OSBPL9: variants seen among roughly 807,000 people sequenced by gnomAD.
OSBPL9 encodes oxysterol binding protein like 9.
OSBPL9 carries 40 observed loss-of-function variants against 106.6 expected under a neutral mutation model. The ratio of observed to expected loss-of-function variants is 0.38; its 90% CI spans 0.29 to 0.49. OSBPL9 has a LOEUF of 0.49. OSBPL9 is among the 20% of genes least tolerant of loss of function. OSBPL9 has a pLI of 0.97. For missense variants in OSBPL9, 609 were observed against 887.2 expected, an observed-to-expected ratio of 0.69 and a Z score of 3.98; for synonymous variants, 269 against 295.4, an observed-to-expected ratio of 0.91 and a Z score of 0.92.
intron 1 of OSBPL9, among the ~76,000 whole-genome samples, chr1:51,619,236 T>C (rs1644273845): frequency 6.6e-6 from 1 of 152,200 alleles, no homozygotes; most frequent in Admixed American, 6.5e-5. Context: ...GCAGTTAAGT[T>C]ACTTTACAAA....
chr1:51,756,454 T>A, intron 9 of OSBPL9, 96 bp downstream of exon 9: 1 of 1,156,168 alleles, frequency 8.6e-7, no homozygotes, highest in Non-Finnish European at 1.3e-6. Flanking sequence ...CATTTTTCAA[T>A]GCCAACTACT....
chr1:51,744,235 G>A (rs1170722947), intron 4 of OSBPL9, among the ~76,000 whole-genome samples: 1 of 152,130 alleles, frequency 6.6e-6, no homozygotes, highest in Non-Finnish European at 1.5e-5. Context: ...TATAATAGTA[G>A]TAATTGATAG....
At chr1:51,725,449 G>T (rs1044044523) in intron 4 of OSBPL9, among the ~76,000 whole-genome samples, 3 of 152,096 alleles carry the variant, frequency 2.0e-5, no homozygotes, top group Non-Finnish European at 4.4e-5. Flanking sequence ...TGCTTACTGT[G>T]TCTCTTCCAG....
intron 1 of OSBPL9, among the ~76,000 whole-genome samples, chr1:51,579,142 T>G (rs967843742): frequency 6.6e-6 from 1 of 151,842 alleles, no homozygotes; most frequent in Admixed American, 6.6e-5. Flanking sequence ...TGCAGCCTCT[T>G]CAGCAGAATC....
chr1:51,595,424 C>T (rs1378025022), intron 1 of OSBPL9, among the ~76,000 whole-genome samples: 2 of 152,106 alleles, frequency 1.3e-5, no homozygotes, highest in East Asian at 1.9e-4. Context: ...GAAGAAACCA[C>T]GATGATATCT....
intron 3 of OSBPL9, among the ~76,000 whole-genome samples, chr1:51,674,268 G>A (rs1397890231): frequency 6.6e-6 from 1 of 151,668 alleles, no homozygotes; most frequent in Non-Finnish European, 1.5e-5. Context: ...TATTGTAATA[G>A]TTATTTTTTG....
At chr1:51,776,958 G>T (rs755191114) in intron 15 of OSBPL9, 40 bp downstream of exon 15, 6 of 1,454,358 alleles carry the variant, frequency 4.1e-6, no homozygotes, top group Non-Finnish European at 5.8e-6. Flanking sequence ...GTTTACAGAT[G>T]TTACTCAGCA....
At chr1:51,576,200 C>T (rs1193763299), upstream of OSBPL9, among the ~76,000 whole-genome samples, 1 of 152,232 alleles carries the variant, frequency 6.6e-6, no homozygotes, top group Non-Finnish European at 1.5e-5. Flanking sequence ...ACCTCCTCAA[C>T]ACTTTCTGTG....
chr1:51,704,876 T>G (rs1051838530), intron 3 of OSBPL9, among the ~76,000 whole-genome samples: 2 of 152,138 alleles, frequency 1.3e-5, no homozygotes, highest in African/African-American at 4.8e-5. Context: ...ATGTGAAATA[T>G]TATGGTTCTG....
chr1:51,691,713 C>T (rs1399506382), intron 3 of OSBPL9, among the ~76,000 whole-genome samples: 1 of 151,688 alleles, frequency 6.6e-6, no homozygotes, highest in African/African-American at 2.4e-5. Flanking sequence ...TTCTTTATAT[C>T]CTTATTCTCT....
At chr1:51,579,433 T>C (rs892109337) in intron 1 of OSBPL9, among the ~76,000 whole-genome samples, 10 of 152,218 alleles carry the variant, frequency 6.6e-5, no homozygotes, top group Non-Finnish European at 1.2e-4. Flanking sequence ...ACAGATTAGA[T>C]CCATTAGAAA....
chr1:51,703,034 G>T (rs919646819), intron 3 of OSBPL9, among the ~76,000 whole-genome samples: 20 of 152,234 alleles, frequency 1.3e-4, no homozygotes, highest in Admixed American at 2.6e-4. Context: ...ATGCTGTTTT[G>T]GTTACTGTAG....
At chr1:51,775,519 A>G (rs967388124) in intron 14 of OSBPL9, among the ~76,000 whole-genome samples, 5 of 152,074 alleles carry the variant, frequency 3.3e-5, no homozygotes, top group African/African-American at 9.7e-5. Context: ...GCATTCTTGT[A>G]TGATGTTTGT....
At chr1:51,528,159 T>A in the OSBPL9 span, among the ~76,000 whole-genome samples, 4 of 151,828 alleles carry the variant, frequency 2.6e-5, no homozygotes, top group Non-Finnish European at 5.9e-5. Context: ...CTATTCAGCA[T>A]TATACTGGAG....
At chr1:51,612,085 C>T (rs910902106) in intron 2 of OSBPL9, among the ~76,000 whole-genome samples, 1 of 152,216 alleles carries the variant, frequency 6.6e-6, no homozygotes, top group Non-Finnish European at 1.5e-5. Context: ...CTTACTCCCT[C>T]CTCATTTAAT....
At chr1:51,753,998 G>A (rs555402252) in intron 8 of OSBPL9, among the ~76,000 whole-genome samples, 5 of 152,348 alleles carry the variant, frequency 3.3e-5, no homozygotes, top group Admixed American at 3.3e-4. Flanking sequence ...AGTGGGCTTT[G>A]TTATCTCAGA....
chr1:51,748,424 G>A, intron 7 of OSBPL9, 26 bp downstream of exon 7: 2 of 1,454,710 alleles, frequency 1.4e-6, no homozygotes, highest in Non-Finnish European at 1.8e-6. Flanking sequence ...GATACATTCT[G>A]ACTTTGCATT....
intron 1 of OSBPL9, among the ~76,000 whole-genome samples, chr1:51,580,871 T>C (rs1570528277): frequency 8.0e-6 from 1 of 125,144 alleles, no homozygotes; most frequent in East Asian, 2.4e-4. Flanking sequence ...CATTTTGATA[T>C]ACTGTATTTC....
intron 2 of OSBPL9, among the ~76,000 whole-genome samples, chr1:51,611,549 C>T (rs1434757284): frequency 1.3e-5 from 2 of 152,182 alleles, no homozygotes; most frequent in Admixed American, 6.5e-5. Flanking sequence ...TGTACCTACA[C>T]TCTTGGCTGT....
Sources: gnomAD v4.1 joint callset for allele counts (sites outside exome capture counted in the v4.1 genomes callset) on GRCh38, gnomAD v4.1.1 for gene constraint, MANE v1.5 for transcripts, NCBI Gene and HGNC (gene_info 2026-07-23, HGNC 2026-07-21) for gene names.